Variants in MSR1 observed in about 807,000 individuals in gnomAD.
The protein encoded by MSR1 is macrophage scavenger receptor 1, also known as macrophage scavenger receptor types I and II.
MSR1 carries 53 observed loss-of-function variants against 47.2 expected under a neutral mutation model. The ratio of observed to expected loss-of-function variants is 1.12; its 90% CI spans 0.90 to 1.41. The LOEUF (loss-of-function observed/expected upper bound fraction) is 1.41. Ranked by LOEUF, MSR1 falls within the 40% of genes most tolerant of loss-of-function variation. MSR1 has a pLI of 0.00. For missense variants in MSR1, 786 were observed against 546.9 expected (o/e 1.44, Z -4.36); for synonymous variants, 239 against 185.6 (o/e 1.29, Z -2.34).
In MSR1 at chr8:16,143,609, T is replaced by G. The variant is rs992336788; in HGVS notation, c.982A>C (p.Asn328His). Residue 328 changes from asparagine to histidine, a missense_variant and splice_region_variant, in exon 8 of 10, where the codon AAT (asparagine) becomes CAT (histidine). Asn to His is a moderately conservative substitution (Grantham distance 68). Coordinates refer to ENST00000262101, the MANE Select transcript of MSR1 (RefSeq NM_138715.3). The part of the protein sequence containing the change: ...GLPGYAGRPG[N>H]SGPKGQKGEK... The stretch of plus-strand genomic sequence containing the variant: ...CCTTTCTGGCCTTTTGGTCCAGAAT[T>G]TCCTTGAGAAAAGAAGAAAAATATT... 1 of 1,611,850 alleles carries G rather than the reference T, an allele frequency of 6.2e-7. No homozygotes were observed. Among genetic ancestry groups the G allele is most frequent in the African/African-American group, 1.3e-5 (1 of 74,874 alleles).
chr8:16,119,295 G>A (rs906557513), intron 9 of MSR1, among the ~76,000 whole-genome samples: 1 of 151,322 alleles, frequency 6.6e-6, no homozygotes, highest in Non-Finnish European at 1.5e-5. Context: ...AGTGCAGCTC[G>A]GCTCACTGCA....
chr8:16,123,656 CA>C (rs1442395038), intron 8 of MSR1, among the ~76,000 whole-genome samples: 2 of 151,638 alleles, frequency 1.3e-5, no homozygotes, highest in African/African-American at 4.8e-5. Flanking sequence ...ACATTCAAAT[CA>C]AATAAACACA....
chr8:16,153,788 C>T (rs1800925069), intron 6 of MSR1, among the ~76,000 whole-genome samples: 1 of 151,882 alleles, frequency 6.6e-6, no homozygotes, highest in African/African-American at 2.4e-5. Flanking sequence ...GGGTGATAGA[C>T]CCTTGACAAT....
chr8:16,176,793 G>A (rs1563167603), intron 2 of MSR1, among the ~76,000 whole-genome samples: 4 of 152,026 alleles, frequency 2.6e-5, no homozygotes, highest in Non-Finnish European at 1.5e-5. Context: ...AGCCCTCACT[G>A]TTATCTTTTC....
At chr8:16,128,510 T>C (rs60670409) in intron 8 of MSR1, among the ~76,000 whole-genome samples, 1,845 of 152,220 alleles carry the variant, frequency 0.012, 94 homozygotes, top group East Asian at 0.12. Context: ...TGCCCCCAGC[T>C]TGATCATGGG....
chr8:16,144,503 C>T (rs1406989412), intron 7 of MSR1, among the ~76,000 whole-genome samples: 1 of 152,042 alleles, frequency 6.6e-6, no homozygotes, highest in East Asian at 1.9e-4. Flanking sequence ...AACCTTCAAC[C>T]TTTTCATCCT....
chr8:16,147,728 T>G (rs1251905885), intron 7 of MSR1, among the ~76,000 whole-genome samples: 2 of 152,282 alleles, frequency 1.3e-5, no homozygotes, highest in South Asian at 2.1e-4. Flanking sequence ...GAACAGCACC[T>G]GGCACTGCTG....
chr8:16,180,387 T>C (rs1468280152), intron 1 of MSR1, among the ~76,000 whole-genome samples: 1 of 152,128 alleles, frequency 6.6e-6, no homozygotes, highest in Non-Finnish European at 1.5e-5. Context: ...GAGTTTCTGA[T>C]ATTTGGGGTG....
chr8:16,171,228 CAAAAA>C (rs34662759), intron 3 of MSR1, among the ~76,000 whole-genome samples: 3 of 75,432 alleles, frequency 4.0e-5, no homozygotes. Flanking sequence ...GACTCAGTCT[CAAAAA>C]AAAAAAAAAA....
At chr8:16,158,049 T>G (rs1311101104) in intron 5 of MSR1, among the ~76,000 whole-genome samples, 1 of 152,000 alleles carries the variant, frequency 6.6e-6, no homozygotes, top group African/African-American at 2.4e-5. Flanking sequence ...ACATAATAAC[T>G]GCCTCGTTGC....
At position 16,139,249 on chromosome 8, in the gene MSR1, A is replaced by T. The variant is rs1162883438; in HGVS notation, c.1033+4309T>A. The T allele has an allele frequency of 5.1e-6, 5 of 983,062 alleles. No homozygotes were observed. In the African/African-American group the frequency reaches 5.2e-5, roughly 10 times the overall value. The allele number at this position is 983,062 out of a possible 1,614,324, so 60.9% of individuals were successfully genotyped here. A position where few individuals can be genotyped will look rare whatever the true frequency, so the allele number is the denominator to read the frequency against. On this transcript the variant is annotated intron_variant, in intron 8 of 9. Transcript: ENST00000262101. ...TTCACTCCTATTCTGATTACAGATT[A>T]AAAATGTCTGCATTATACCAGCGGG... is the stretch of plus-strand genomic sequence containing the variant.
chr8:16,186,361 G>C (rs937724833), intron 1 of MSR1: 7 of 631,022 alleles, frequency 1.1e-5, no homozygotes, highest in African/African-American at 9.2e-5. Context: ...ATATAATCTA[G>C]AAGGCTGATG....
chr8:16,147,662 A>G (rs2117124642), intron 7 of MSR1, among the ~76,000 whole-genome samples: 1 of 152,246 alleles, frequency 6.6e-6, no homozygotes, highest in East Asian at 1.9e-4. Flanking sequence ...CACCTTCTTC[A>G]GACTCTTGTA....
At chr8:16,163,711 A>C (rs1033344141) in intron 5 of MSR1, among the ~76,000 whole-genome samples, 1 of 151,800 alleles carries the variant, frequency 6.6e-6, no homozygotes, top group Non-Finnish European at 1.5e-5. Context: ...AATAAAAAAG[A>C]CTGGAAGTTT....
intron 1 of MSR1, among the ~76,000 whole-genome samples, chr8:16,180,106 G>A (rs139188976): frequency 7.5e-6 from 1 of 133,892 alleles, no homozygotes; most frequent in South Asian, 2.5e-4. Context: ...CTCTCTGTCT[G>A]TCTCTCTCTC....
intron 1 of MSR1, among the ~76,000 whole-genome samples, chr8:16,184,776 TTTTTTC>T (rs376816424): frequency 4.2e-4 from 64 of 151,976 alleles, no homozygotes; most frequent in African/African-American, 1.5e-3. Flanking sequence ...CTTGATTTTG[TTTTTTC>T]TTTAAGTTTC....
chr8:16,187,402 AAAGCAAGC>A (rs76137532), intron 1 of MSR1, among the ~76,000 whole-genome samples: 3 of 141,804 alleles, frequency 2.1e-5, no homozygotes, highest in South Asian at 2.3e-4. Flanking sequence ...AAAGAAAGAA[AAAGCAAGC>A]AAGCAAGCAA....
intron 4 of MSR1, among the ~76,000 whole-genome samples, chr8:16,166,938 C>T (rs1319571901): frequency 1.9e-4 from 1 of 5,312 alleles, no homozygotes; most frequent in Non-Finnish European, 1.1e-3. Flanking sequence ...CACAGGAGTA[C>T]ACACACACAC....
rs12680948 is a variant in MSR1, at chr8:16,121,059, A to G, written c.1034-453T>C. 3.5e-5 allele frequency: 13 copies of G among 372,070 alleles called. No individual in the cohort carries two copies. In the East Asian group the frequency reaches 9.0e-4, roughly 26 times the overall value. 23.0% of individuals were successfully genotyped at this position (372,070 alleles called of 1,614,324 possible). A position where few individuals can be genotyped will look rare whatever the true frequency, so the allele number is the denominator to read the frequency against. On this transcript the variant is annotated intron_variant, in intron 8 of 9. Transcript: ENST00000262101. ...GGGCGAGGAGCAGATATTTTAGAAT[A>G]TCATAAACACAAAAATAGGTGATCA...
Sources: allele counts gnomAD v4.1 joint callset (sites outside exome capture counted in the v4.1 genomes callset), GRCh38; gene constraint gnomAD v4.1.1; transcripts MANE v1.5; gene names NCBI Gene and HGNC (gene_info 2026-07-23, HGNC 2026-07-21).